Variants in SPECC1 observed in about 807,000 individuals in gnomAD.
SPECC1 encodes the protein sperm antigen with calponin homology and coiled-coil domains 1.
Under a neutral mutation model 104.1 loss-of-function variants are expected in SPECC1, and 62 were observed. The observed-to-expected ratio is 0.60, with a 90% CI of 0.49 to 0.74. The LOEUF (loss-of-function observed/expected upper bound fraction) is 0.74. Ranked by LOEUF, SPECC1 falls within the 30% of genes least tolerant of loss-of-function variation. The pLI, the probability that SPECC1 is intolerant of heterozygous loss-of-function variation, is 0.00. For missense variants in SPECC1, 1,306 were observed against 1,310.5 expected (o/e 1.00, Z 0.05); for synonymous variants, 513 against 501.6 (o/e 1.02, Z -0.30).
At chr17:20,038,192 A>C (rs1402689063) in intron 1 of SPECC1, among the ~76,000 whole-genome samples, 1 of 151,376 alleles carries the variant, frequency 6.6e-6, no homozygotes, top group African/African-American at 2.4e-5. Context: ...GATTTTCTTT[A>C]TTGTGTTTCT....
intron 3 of SPECC1, 81 bp from the exon 4 acceptor site, chr17:20,204,252 C>T (rs1438724050): frequency 2.0e-6 from 3 of 1,488,370 alleles, no homozygotes; most frequent in Non-Finnish European, 2.7e-6. Flanking sequence ...TCCACTGTGC[C>T]ATGTGATTTA....
At chr17:20,082,440 A>T (rs2047009789) in intron 1 of SPECC1, among the ~76,000 whole-genome samples, 1 of 152,076 alleles carries the variant, frequency 6.6e-6, no homozygotes, top group Non-Finnish European at 1.5e-5. Context: ...TTTCTCAAAA[A>T]AGAAAAAAAT....
intron 3 of SPECC1, among the ~76,000 whole-genome samples, chr17:20,175,866 C>G (rs1202006865): frequency 6.6e-6 from 1 of 152,216 alleles, no homozygotes; most frequent in Non-Finnish European, 1.5e-5. Flanking sequence ...CTGTGAACTT[C>G]TCCTGTGTCA....
chr17:20,210,465 G>A (rs74668840), intron 4 of SPECC1, among the ~76,000 whole-genome samples: 4,589 of 152,280 alleles, frequency 0.03, 87 homozygotes, highest in Non-Finnish European at 0.047. Flanking sequence ...GGCGACTTGG[G>A]GCAGGCATGT....
In SPECC1 at chr17:20,030,312, T is replaced by C. The variant is rs115872012; in HGVS notation, c.-22+20888T>C. The stretch of plus-strand genomic sequence containing the variant: ...ATTCTAGTTAGATACCAAAATGTTA[T>C]TCCTATGTAGTTCTATTGTCTTCTT... On this transcript the variant is annotated intron_variant, in intron 1 of 14. Transcript: ENST00000395527. 7.1e-3 allele frequency among the ~76,000 whole-genome samples: 1,079 copies of C among 152,290 alleles called. 15 individuals carry two copies. Among genetic ancestry groups the C allele is most frequent in the African/African-American group, 0.023 (977 of 41,582 alleles).
intron 2 of SPECC1, among the ~76,000 whole-genome samples, chr17:20,109,036 G>A (rs940049144): frequency 8.5e-5 from 13 of 152,270 alleles, no homozygotes; most frequent in African/African-American, 2.6e-4. Context: ...CCACTCACAG[G>A]GCATGAGTGT....
At chr17:20,148,542 A>AC (rs1397408447) in intron 3 of SPECC1, among the ~76,000 whole-genome samples, 1 of 114,548 alleles carries the variant, frequency 8.7e-6, no homozygotes, top group East Asian at 2.1e-4. Flanking sequence ...CATGTGCACT[A>AC]GAAAAAAAAA....
chr17:20,260,447 A>G (rs1279463371), intron 12 of SPECC1, among the ~76,000 whole-genome samples, 153 bp downstream of exon 12: 1 of 152,160 alleles, frequency 6.6e-6, no homozygotes, highest in Non-Finnish European at 1.5e-5. Context: ...GGAATGTTTG[A>G]TATTTGTGCA....
chr17:20,179,630 T>A (rs915509351), intron 3 of SPECC1, among the ~76,000 whole-genome samples: 34 of 152,218 alleles, frequency 2.2e-4, no homozygotes, highest in Non-Finnish European at 4.4e-4. Context: ...CTTGCCCAGA[T>A]ATAATTCAGC....
chr17:20,174,983 G>T (rs2034367987), intron 3 of SPECC1, among the ~76,000 whole-genome samples: 1 of 152,160 alleles, frequency 6.6e-6, no homozygotes, highest in Non-Finnish European at 1.5e-5. Flanking sequence ...TGCCTGTGGT[G>T]GGTGGGCAGG....
intron 1 of SPECC1, among the ~76,000 whole-genome samples, chr17:20,094,315 A>T (rs903627734): frequency 1.3e-5 from 2 of 152,192 alleles, no homozygotes; most frequent in African/African-American, 4.8e-5. Context: ...GCCACCTGCC[A>T]ACCCTGGAAA....
intron 1 of SPECC1, among the ~76,000 whole-genome samples, chr17:20,047,045 C>G (rs1226280762): frequency 6.6e-6 from 1 of 152,126 alleles, no homozygotes; most frequent in African/African-American, 2.4e-5. Flanking sequence ...TGGGACCAGA[C>G]TGATTTGAAG....
At chr17:20,262,649 A>G (rs917625024) in intron 12 of SPECC1, among the ~76,000 whole-genome samples, 6 of 152,158 alleles carry the variant, frequency 3.9e-5, no homozygotes, top group Non-Finnish European at 7.4e-5. Context: ...GGAAGATTCC[A>G]GCACCGTAAT....
intron 12 of SPECC1, among the ~76,000 whole-genome samples, chr17:20,293,013 GGTT>G (rs2041224763): frequency 6.6e-6 from 1 of 152,158 alleles, no homozygotes; most frequent in Non-Finnish European, 1.5e-5. Context: ...ACTGAGAAGA[GGTT>G]TGCTGGGAAG....
chr17:20,200,044 A>G (rs146498819), intron 3 of SPECC1, among the ~76,000 whole-genome samples: 146 of 152,060 alleles, frequency 9.6e-4, no homozygotes, highest in Admixed American at 2.6e-3. Context: ...ACCCGCCTTG[A>G]CCTCCCAAAT....
At chr17:20,112,131 A>G (rs2048525419) in intron 3 of SPECC1, 1 of 763,654 alleles carries the variant, frequency 1.3e-6, no homozygotes, top group South Asian at 1.3e-5. Context: ...TTACAACCAC[A>G]CAGAGCACTT....
At chr17:20,256,830 C>T (rs1044334174) in intron 10 of SPECC1, among the ~76,000 whole-genome samples, 8 of 152,168 alleles carry the variant, frequency 5.3e-5, no homozygotes, top group Admixed American at 2.0e-4. Flanking sequence ...CTGGGCAACA[C>T]GGCAAGACCC....
chr17:20,122,799 A>G (rs2049102361), intron 3 of SPECC1, among the ~76,000 whole-genome samples: 1 of 152,182 alleles, frequency 6.6e-6, no homozygotes, highest in Non-Finnish European at 1.5e-5. Flanking sequence ...ACACTGTAGC[A>G]TGTGTCAGAA....
chr17:20,142,237 T>G (rs906841036), intron 3 of SPECC1, among the ~76,000 whole-genome samples: 2 of 152,258 alleles, frequency 1.3e-5, no homozygotes, highest in African/African-American at 4.8e-5. Flanking sequence ...AGATGATTCA[T>G]GCTTGATAGC....
Sources: gnomAD v4.1 joint callset for allele counts (sites outside exome capture counted in the v4.1 genomes callset) on GRCh38, gnomAD v4.1.1 for gene constraint, MANE v1.5 for transcripts, NCBI Gene and HGNC (gene_info 2026-07-23, HGNC 2026-07-21) for gene names.